Variants in RPSA2 observed in about 807,000 individuals in gnomAD.
The protein encoded by RPSA2 is small ribosomal subunit protein uS2B.
At chr19:23,866,280 A>T in the RPSA2 span, among the ~76,000 whole-genome samples, 149,000 of 152,326 alleles carry the variant, frequency 0.98, 72,966 homozygotes, top group Middle Eastern at 1. Flanking sequence ...GCAGTGCAGC[A>T]TCAGATCACT....
chr19:23,869,759 G>C, the RPSA2 span, among the ~76,000 whole-genome samples: 1 of 152,152 alleles, frequency 6.6e-6, no homozygotes, highest in Non-Finnish European at 1.5e-5. Context: ...GAAACAATAT[G>C]GAAAGCAGCA....
chr19:23,868,102 G>C, the RPSA2 span, among the ~76,000 whole-genome samples: 4 of 152,336 alleles, frequency 2.6e-5, no homozygotes, highest in South Asian at 8.3e-4. Context: ...TGCATGACTT[G>C]AGAGCTATTA....
chr19:23,835,856 A>C, the RPSA2 span, among the ~76,000 whole-genome samples: 1 of 151,676 alleles, frequency 6.6e-6, no homozygotes, highest in African/African-American at 2.4e-5. Context: ...CTGGTCTCAA[A>C]CTCCTGACCT....
At chr19:23,833,506 T>G in the RPSA2 span, among the ~76,000 whole-genome samples, 1 of 152,142 alleles carries the variant, frequency 6.6e-6, no homozygotes, top group East Asian at 1.9e-4. Flanking sequence ...TAAATGATTG[T>G]CACACTTGAT....
the RPSA2 span, chr19:23,809,589 TC>T: frequency 1.3e-5 from 2 of 152,138 alleles, no homozygotes; most frequent in African/African-American, 2.4e-5. Flanking sequence ...TTAAATTTGT[TC>T]TAAAATTAAT....
the RPSA2 span, among the ~76,000 whole-genome samples, chr19:23,789,019 C>CT: frequency 0.18 from 19,691 of 112,412 alleles, 2,746 homozygotes; most frequent in Admixed American, 0.25. Context: ...TTTTTTCTTT[C>CT]TTTCTTTTTT....
At chr19:23,816,496 T>C in the RPSA2 span, among the ~76,000 whole-genome samples, 1 of 152,346 alleles carries the variant, frequency 6.6e-6, no homozygotes, top group African/African-American at 2.4e-5. Context: ...CTGTTTTATG[T>C]GTTCCTGAGT....
the RPSA2 span, among the ~76,000 whole-genome samples, chr19:23,793,566 T>C: frequency 1.4e-5 from 2 of 143,012 alleles, no homozygotes; most frequent in South Asian, 4.3e-4. Flanking sequence ...AGCAATCTTC[T>C]TTTTTTTTTT....
chr19:23,823,866 C>G, the RPSA2 span: 1 of 152,304 alleles, frequency 6.6e-6, no homozygotes, highest in African/African-American at 2.4e-5. Context: ...CTCCTGATGG[C>G]ACCTGAGGTC....
At chr19:23,790,147 C>T in the RPSA2 span, among the ~76,000 whole-genome samples, 199 of 151,974 alleles carry the variant, frequency 1.3e-3, no homozygotes, top group Non-Finnish European at 2.3e-3. Flanking sequence ...TACAGGCGCC[C>T]GCCACTGTGC....
chr19:23,863,867 A>G, the RPSA2 span, among the ~76,000 whole-genome samples: 5 of 152,348 alleles, frequency 3.3e-5, no homozygotes, highest in East Asian at 9.6e-4. Context: ...ATACAAAACA[A>G]ACACATGACC....
the RPSA2 span, chr19:23,763,087 G>T: frequency 6.4e-6 from 1 of 155,116 alleles, no homozygotes; most frequent in South Asian, 1.8e-4. Context: ...GTTGACCTAT[G>T]ATCTGCAGGG....
chr19:23,866,585 C>A, the RPSA2 span, among the ~76,000 whole-genome samples: 26 of 148,640 alleles, frequency 1.7e-4, no homozygotes, highest in East Asian at 5.0e-3. Context: ...TTGGGCTCAC[C>A]GATGCCACTC....
the RPSA2 span, among the ~76,000 whole-genome samples, chr19:23,856,112 G>A: frequency 2.8e-3 from 421 of 152,146 alleles, 3 homozygotes; most frequent in African/African-American, 9.6e-3. Context: ...AACAAAGGCC[G>A]AACAGAAGAG....
chr19:23,861,395 C>A, the RPSA2 span, among the ~76,000 whole-genome samples: 1 of 152,238 alleles, frequency 6.6e-6, no homozygotes, highest in African/African-American at 2.4e-5. Flanking sequence ...CCCCCACTAC[C>A]CACCACACAG....
the RPSA2 span, among the ~76,000 whole-genome samples, chr19:23,760,120 C>A: frequency 1.7e-4 from 26 of 152,270 alleles, no homozygotes; most frequent in Non-Finnish European, 3.2e-4. Context: ...AAGCTCTTCC[C>A]AGGAAATGGT....
At chr19:23,868,086 G>A in the RPSA2 span, among the ~76,000 whole-genome samples, 7 of 152,274 alleles carry the variant, frequency 4.6e-5, no homozygotes, top group African/African-American at 1.2e-4. Context: ...AGAAGATGGC[G>A]ACTGCTGCAT....
chr19:23,849,771 A>G, the RPSA2 span, among the ~76,000 whole-genome samples: 1 of 152,064 alleles, frequency 6.6e-6, no homozygotes, highest in African/African-American at 2.4e-5. Context: ...CTATTACTAA[A>G]CCATATGAGT....
chr19:23,791,226 C>T, the RPSA2 span, among the ~76,000 whole-genome samples: 4 of 152,206 alleles, frequency 2.6e-5, no homozygotes, highest in Non-Finnish European at 4.4e-5. Context: ...TTCTCGAACT[C>T]CTGACCTCAG....
Sources: allele counts gnomAD v4.1 joint callset (sites outside exome capture counted in the v4.1 genomes callset), GRCh38; gene constraint gnomAD v4.1.1; transcripts MANE v1.5; gene names NCBI Gene and HGNC (gene_info 2026-07-23, HGNC 2026-07-21).